Variants in LTBP3 observed in about 807,000 individuals in gnomAD.
LTBP3 encodes the protein latent-transforming growth factor beta-binding protein 3.
A neutral mutation model predicts 159.7 loss-of-function variants in LTBP3; 97 were observed. That is an observed-to-expected ratio of 0.61 (90% CI 0.52 to 0.72). The LOEUF (loss-of-function observed/expected upper bound fraction) is 0.72, where lower values mean the gene tolerates loss of function less well. Among genes scored for constraint, LTBP3 ranks in the 30% least tolerant of loss-of-function variants. The pLI, the probability that LTBP3 is intolerant of heterozygous loss-of-function variation, is 0.00. For missense variants in LTBP3, 1,584 were observed against 1,864.3 expected (o/e 0.85, Z 2.77); for synonymous variants, 824 against 777.1 (o/e 1.06, Z -1.00).
chr11:65,552,443 T>A lies in LTBP3; in HGVS notation c.1187-37A>T, dbSNP rs780226180. On this transcript the variant is annotated intron_variant, in intron 6 of 27. Transcript: ENST00000301873. This position sits in a 1 kb window ranked among gnomAD's most constrained non-coding sequence, Gnocchi z 6.0. ...AGTGGGGGGCATGGGCATCTGAGCC[T>A]GCACATTGCCCACGTCCCTCTGCCC... is the stretch of plus-strand genomic sequence containing the variant. 6.2e-7 allele frequency: 1 copy of A among 1,607,746 alleles called. No individual in the cohort carries two copies. Among genetic ancestry groups the A allele is most frequent in the South Asian group, 1.1e-5 (1 of 91,044 alleles).
chr11:65,539,483 A>C, intron 26 of LTBP3, 24 bp from the exon 27 acceptor site: 1 of 1,585,046 alleles, frequency 6.3e-7, no homozygotes, highest in Non-Finnish European at 8.6e-7. Flanking sequence ...AACAATATGG[A>C]CTTCAACACT....
chr11:65,538,882 C>G lies in LTBP3; in HGVS notation c.*198G>C. ...CCCTCTGGGAGGAAGGCAGGCAGCG[C>G]CCGCCGGAGACCTTACAACCGCCCG... On this transcript the variant is annotated 3_prime_UTR_variant, in exon 28 of 28. Coordinates refer to ENST00000301873, the MANE Select transcript of LTBP3 (RefSeq NM_001130144.3). 2 of 1,048,280 alleles carry G rather than the reference C, an allele frequency of 1.9e-6. No individual in the cohort carries two copies. Among genetic ancestry groups the G allele is most frequent in the Non-Finnish European group, 2.5e-6 (2 of 785,370 alleles). 64.9% of individuals were successfully genotyped at this position (1,048,280 alleles called of 1,614,324 possible). A position where few individuals can be genotyped will look rare whatever the true frequency, so the allele number is the denominator to read the frequency against.
At chr11:65,545,589 C>A (rs779633848) in intron 16 of LTBP3, 17 of 230,516 alleles carry the variant, frequency 7.4e-5, no homozygotes, top group Non-Finnish European at 1.3e-4. Flanking sequence ...CCCAGGAGGT[C>A]TAATATTTCT....
intron 11 of LTBP3, chr11:65,548,878 A>T (rs1325947854): frequency 6.6e-6 from 1 of 152,120 alleles, no homozygotes; most frequent in Non-Finnish European, 1.5e-5. Context: ...CAAAGCCCCC[A>T]AGAACAGCCA....
In LTBP3 at chr11:65,540,884, G is replaced by C; in HGVS notation, c.2964C>G (p.Ile988Met). 1 of 1,612,652 alleles carries C rather than the reference G, an allele frequency of 6.2e-7. No individual in the cohort carries two copies. The highest frequency in any genetic ancestry group is 8.5e-7 in the Non-Finnish European group (1 of 1,179,442). ...TQDNNIVNYG[I>M]PAHRDIDECM... Reference sequence around the variant, plus strand: ...CAGGGCGCTTACCACGGTGGGCTGGGATGCCGTAGTTGACGATGTTGTTGT... The same window carrying C: ...CAGGGCGCTTACCACGGTGGGCTGGCATGCCGTAGTTGACGATGTTGTTGT... Residue 988 changes from isoleucine (I) to methionine (M), a missense_variant, in exon 21 of 28, where the codon ATC (isoleucine) becomes ATG (methionine). Ile to Met is a conservative substitution (Grantham distance 10). Around this residue, in one of 6 missense-constraint regions of LTBP3, gnomAD observed 514 missense variants for 530.3 expected, o/e 0.97. Coordinates refer to ENST00000301873, the MANE Select transcript of LTBP3 (RefSeq NM_001130144.3).
chr11:65,543,508 T>C lies in LTBP3; in HGVS notation c.2395A>G (p.Ile799Val). Reference sequence around the variant, plus strand: ...AAAGATCCTGGCGTGTTGCTGCAGATGCCATTGTCACACACGTCCCCAGCC... The same window carrying C: ...AAAGATCCTGGCGTGTTGCTGCAGACGCCATTGTCACACACGTCCCCAGCC... ...CEAGDVCDNG[I>V]CSNTPGSFQC... is the part of the protein sequence containing the mutation. Residue 799 changes from isoleucine (I) to valine (V), a missense_variant, in exon 17 of 28, where the codon ATC becomes GTC. Physicochemically the swap from Ile to Val is conservative, Grantham distance 29 (BLOSUM62 3). Around this residue, in one of 6 missense-constraint regions of LTBP3, gnomAD observed 565 missense variants for 677.7 expected, o/e 0.83. Coordinates refer to ENST00000301873, the MANE Select transcript of LTBP3 (RefSeq NM_001130144.3). The C allele has an allele frequency of 1.9e-6, 3 of 1,614,096 alleles. No homozygotes were observed. The highest frequency in any genetic ancestry group is 2.5e-6 in the Non-Finnish European group (3 of 1,179,980).
intron 1 of LTBP3, among the ~76,000 whole-genome samples, chr11:65,556,051 C>T (rs905690516): frequency 7.9e-5 from 12 of 152,176 alleles, no homozygotes; most frequent in Admixed American, 7.9e-4. Context: ...CTCCCAATGA[C>T]ACCCGCCCAC....
chr11:65,552,018 C>G lies in LTBP3; in HGVS notation c.1485G>C (p.Glu495Asp). ...DGPPKPQQLP[E>D]SPSQAPPPED... ...CAGGTGGTGGAGCCTGGCTAGGGCT[C>G]TCCGGAAGCTGCTGGGGCTTGGGTG... Residue 495 changes from glutamate (E) to aspartate (D), a missense_variant, in exon 8 of 28, where the codon GAG becomes GAC. Physicochemically the swap from Glu to Asp is conservative, Grantham distance 45. This residue lies in a region of LTBP3 where 565 missense variants were observed against 677.7 expected (regional missense o/e 0.83). Coordinates refer to ENST00000301873, the MANE Select transcript of LTBP3 (RefSeq NM_001130144.3). The surrounding 1 kb of genome is among the most constrained non-coding windows in gnomAD (Gnocchi z 6.0). 6.2e-7 allele frequency: 1 copy of G among 1,613,998 alleles called. No individual in the cohort carries two copies. Among genetic ancestry groups the G allele is most frequent in the Non-Finnish European group, 8.5e-7 (1 of 1,179,990 alleles).
chr11:65,539,861 C>T lies in LTBP3; in HGVS notation c.3406G>A (p.Asp1136Asn), dbSNP rs1213835351. 4 of 1,517,450 alleles carry T rather than the reference C, an allele frequency of 2.6e-6. No individual in the cohort carries two copies. The highest frequency in any genetic ancestry group is 3.5e-6 in the Non-Finnish European group (4 of 1,139,904). 94.0% of individuals were successfully genotyped at this position (1,517,450 alleles called of 1,614,324 possible). ...SPAERAPERRDVCWSQRGEDG... is the reference protein window; with the variant it reads ...SPAERAPERRNVCWSQRGEDG... ...TCTCCGCGCTGGCTCCAGCACACGT[C>T]GCGCCGCTCCGGGGCACGCTCTGCG... Residue 1136 changes from aspartate to asparagine, a missense_variant, in exon 25 of 28, where the codon GAC becomes AAC. By Grantham distance (23) the Asp-to-Asn change is conservative (BLOSUM62 1). This residue lies in a region of LTBP3 where 514 missense variants were observed against 530.3 expected (regional missense o/e 0.97). Transcript: ENST00000301873.
chr11:65,549,515 G>A (rs1367761013), intron 11 of LTBP3, among the ~76,000 whole-genome samples: 3 of 144,720 alleles, frequency 2.1e-5, no homozygotes, highest in Non-Finnish European at 4.5e-5. Flanking sequence ...AGGTTCAAGT[G>A]ATTCTCCTGA....
intron 21 of LTBP3, 118 bp from the exon 22 acceptor site, chr11:65,540,732 T>TGC: frequency 6.6e-7 from 1 of 1,515,000 alleles, no homozygotes; most frequent in Non-Finnish European, 9.0e-7. Flanking sequence ...GGGCGGGGCC[T>TGC]ACAGGGCGGG....
chr11:65,546,221 T>G lies in LTBP3; in HGVS notation c.2353+221A>C. 1 of 584,074 alleles carries G rather than the reference T, an allele frequency of 1.7e-6. No homozygotes were observed. Among genetic ancestry groups the G allele is most frequent in the Non-Finnish European group, 3.0e-6 (1 of 338,762 alleles). The allele number at this position is 584,074 out of a possible 1,614,324, so 36.2% of individuals were successfully genotyped here. A position where few individuals can be genotyped will look rare whatever the true frequency, so the allele number is the denominator to read the frequency against. On this transcript the variant is annotated intron_variant, in intron 16 of 27. Transcript: ENST00000301873. This position sits in a 1 kb window ranked among gnomAD's most constrained non-coding sequence, Gnocchi z 4.0. ...TTTTTTCCTTCAAATTTAAGTAACA[T>G]GCTTTGCAAACGCAGCTTCGAGCTC... is the stretch of plus-strand genomic sequence containing the variant.
intron 11 of LTBP3, 104 bp downstream of exon 11, chr11:65,551,022 G>C: frequency 2.1e-6 from 2 of 959,960 alleles, no homozygotes; most frequent in South Asian, 1.4e-5. Flanking sequence ...CTGGATACAC[G>C]CTAGCCTATT....
At chr11:65,541,564 T>C (rs774456887) in intron 19 of LTBP3, 36 bp downstream of exon 19, 6 of 1,613,730 alleles carry the variant, frequency 3.7e-6, no homozygotes, top group Non-Finnish European at 4.2e-6. Context: ...TCAGGGGAGT[T>C]GTCCAGTCCG....
At chr11:65,542,023 CT>C (rs1398858769) in intron 18 of LTBP3, 1 of 394,952 alleles carries the variant, frequency 2.5e-6, no homozygotes, top group Non-Finnish European at 4.9e-6. Flanking sequence ...CTCATCACGC[CT>C]TACTCTAGAC....
At chr11:65,543,357 T>TGGACCCTGGGGGGTGG in intron 17 of LTBP3, 70 bp downstream of exon 17, 1 of 1,611,770 alleles carries the variant, frequency 6.2e-7, no homozygotes, top group Non-Finnish European at 8.5e-7. Flanking sequence ...GGATTAGGAC[T>TGGACCCTGGGGGGTGG]GGACCCTGGG....
In LTBP3 at chr11:65,546,719, C is replaced by T. The variant is rs569355930; in HGVS notation, c.2230+79G>A. On this transcript the variant is annotated intron_variant, in intron 15 of 27. Coordinates refer to ENST00000301873, the MANE Select transcript of LTBP3 (RefSeq NM_001130144.3). The surrounding 1 kb of genome is among the most constrained non-coding windows in gnomAD (Gnocchi z 4.0). ...CCCAGACGCCAATCACCACCGCTAC[C>T]CCGCCCCGCCCCCAGCGGAGCCAGA... The T allele has an allele frequency of 2.3e-5, 35 of 1,530,504 alleles. No homozygotes were observed. Among genetic ancestry groups the T allele is most frequent in the Non-Finnish European group, 3.0e-5 (34 of 1,138,150 alleles). 94.8% of individuals were successfully genotyped at this position (1,530,504 alleles called of 1,614,324 possible).
rs752884676 is a variant in LTBP3, at chr11:65,546,751, G to T, written c.2230+47C>A. The T allele has an allele frequency of 5.1e-6, 8 of 1,575,560 alleles. No individual in the cohort carries two copies. The highest frequency in any genetic ancestry group is 2.2e-5 in the South Asian group (2 of 89,544). ...CGCCCCCAGCGGAGCCAGACTGGGG[G>T]AGGCACCTGACGGCCCCACCCACTC... On this transcript the variant is annotated intron_variant, in intron 15 of 27. Transcript: ENST00000301873. The surrounding 1 kb of genome is among the most constrained non-coding windows in gnomAD (Gnocchi z 4.0).
chr11:65,554,074 C>A lies in LTBP3; in HGVS notation c.638G>T (p.Gly213Val). 1 of 1,605,922 alleles carries A rather than the reference C, an allele frequency of 6.2e-7. No individual in the cohort carries two copies. Reference sequence around the variant, plus strand: ...ACCTTCTGCTGAGATCTGTCCCGGGCCTAGGGGCACCAGGAAGGCTGCGTG... The same window carrying A: ...ACCTTCTGCTGAGATCTGTCCCGGGACTAGGGGCACCAGGAAGGCTGCGTG... ...AQHAAFLVPL[G>V]PGQISAEVQA... Residue 213 changes from glycine (G) to valine (V), a missense_variant, in exon 2 of 28, where the codon GGC (glycine) becomes GTC (valine). Gly to Val is a moderately radical substitution (Grantham distance 109). This residue lies in a region of LTBP3 where 194 missense variants were observed against 198.7 expected (regional missense o/e 0.98). Coordinates refer to ENST00000301873, the MANE Select transcript of LTBP3 (RefSeq NM_001130144.3). The surrounding 1 kb of genome is among the most constrained non-coding windows in gnomAD (Gnocchi z 5.3).
Sources: gnomAD v4.1 joint callset for allele counts (sites outside exome capture counted in the v4.1 genomes callset) on GRCh38, gnomAD v4.1.1 for gene constraint, gnomAD v4.1.1 regional missense constraint, Gnocchi (gnomAD v3.1) non-coding constraint, MANE v1.5 for transcripts, NCBI Gene and HGNC (gene_info 2026-07-23, HGNC 2026-07-21) for gene names.